ARHGAP35: variants seen among roughly 807,000 people sequenced by gnomAD.
The protein encoded by ARHGAP35 is rho GTPase-activating protein 35.
ARHGAP35 carries 15 observed loss-of-function variants against 111.1 expected under a neutral mutation model. The observed-to-expected ratio is 0.13, with a 90% CI of 0.09 to 0.21. The LOEUF (loss-of-function observed/expected upper bound fraction) is 0.21, where lower values mean the gene tolerates loss of function less well. Among genes scored for constraint, ARHGAP35 ranks in the 10% least tolerant of loss-of-function variants. The pLI, the probability that ARHGAP35 is intolerant of heterozygous loss-of-function variation, is 1.00. For missense variants in ARHGAP35, 1,262 were observed against 1,873.0 expected (o/e 0.67, Z 6.02); for synonymous variants, 643 against 710.3 (o/e 0.91, Z 1.51).
Position 47,001,226 on chromosome 19 carries a change from G to T in ARHGAP35, c.*538G>T, listed in dbSNP as rs1049580831. 2.3e-6 allele frequency: 3 copies of T among 1,281,132 alleles called. No individual in the cohort carries two copies. Among genetic ancestry groups the T allele is most frequent in the Non-Finnish European group, 3.0e-6 (3 of 985,466 alleles). The allele number at this position is 1,281,132 out of a possible 1,614,324, so 79.4% of individuals were successfully genotyped here. On this transcript the variant is annotated 3_prime_UTR_variant, in exon 7 of 7. Coordinates refer to ENST00000672722, the MANE Select transcript of ARHGAP35 (RefSeq NM_004491.5). This position sits in a 1 kb window ranked among gnomAD's most constrained non-coding sequence, Gnocchi z 5.4. ...TAGGCCACGGCTCTGCCACCACTAG[G>T]TACCTGCTGAGGGCGCTGGCTCTGC...
chr19:46,974,059 C>G (rs1649173009), intron 3 of ARHGAP35, among the ~76,000 whole-genome samples: 1 of 152,080 alleles, frequency 6.6e-6, no homozygotes. Context: ...AGCACAGTTA[C>G]AGCTCACCTC....
chr19:46,970,717 T>C (rs546919711), intron 3 of ARHGAP35, among the ~76,000 whole-genome samples: 2 of 152,296 alleles, frequency 1.3e-5, no homozygotes, highest in South Asian at 2.1e-4. Flanking sequence ...ATTTATAATC[T>C]AGTAAGGGTG....
intron 3 of ARHGAP35, among the ~76,000 whole-genome samples, chr19:46,981,925 C>T (rs2056622848): frequency 6.6e-6 from 1 of 152,148 alleles, no homozygotes; most frequent in Admixed American, 6.5e-5. Context: ...ATGGACATGG[C>T]TCACTGCAGC....
intron 1 of ARHGAP35, among the ~76,000 whole-genome samples, chr19:46,863,271 C>G (rs1183100451): frequency 6.6e-6 from 1 of 152,212 alleles, no homozygotes; most frequent in African/African-American, 2.4e-5. Context: ...TGCAGATTCT[C>G]TCTCTGCGCC....
chr19:46,911,294 A>G (rs994595997), intron 1 of ARHGAP35, among the ~76,000 whole-genome samples: 28 of 152,158 alleles, frequency 1.8e-4, no homozygotes, highest in Admixed American at 9.2e-4. Context: ...ATCCCAGGAA[A>G]TGGTCTATAC....
intron 3 of ARHGAP35, among the ~76,000 whole-genome samples, chr19:46,967,878 C>T (rs368781202): frequency 6.6e-6 from 1 of 151,364 alleles, no homozygotes; most frequent in East Asian, 1.9e-4. Context: ...GCCAGGGCTC[C>T]CTGCCGTGTC....
At chr19:46,928,685 A>T (rs2056253197) in intron 2 of ARHGAP35, among the ~76,000 whole-genome samples, 1 of 152,084 alleles carries the variant, frequency 6.6e-6, no homozygotes, top group Non-Finnish European at 1.5e-5. Flanking sequence ...TAATCCCAGC[A>T]CTTTGGGAGG....
At chr19:46,963,600 C>A (rs2056497014) in intron 3 of ARHGAP35, among the ~76,000 whole-genome samples, 1 of 152,192 alleles carries the variant, frequency 6.6e-6, no homozygotes, top group Non-Finnish European at 1.5e-5. Flanking sequence ...TTGTCTGTGT[C>A]ATCTGTTTAG....
At chr19:46,914,761 C>A (rs2056155119) in intron 1 of ARHGAP35, among the ~76,000 whole-genome samples, 1 of 152,098 alleles carries the variant, frequency 6.6e-6, no homozygotes, top group Non-Finnish European at 1.5e-5. Context: ...AAAATAGAGC[C>A]AATATCTTTA....
chr19:46,990,869 G>T (rs528725570), intron 5 of ARHGAP35, among the ~76,000 whole-genome samples: 1 of 152,232 alleles, frequency 6.6e-6, no homozygotes, highest in Non-Finnish European at 1.5e-5. Flanking sequence ...ATCCTTCCAG[G>T]GTCTGCACTT....
chr19:46,902,173 A>G (rs1477733937), intron 1 of ARHGAP35, among the ~76,000 whole-genome samples: 1 of 152,170 alleles, frequency 6.6e-6, no homozygotes, highest in Non-Finnish European at 1.5e-5. Flanking sequence ...TTTAAAGTTG[A>G]GTAGCCTGTG....
chr19:46,871,894 C>G (rs1227666761), intron 1 of ARHGAP35, among the ~76,000 whole-genome samples: 1 of 151,748 alleles, frequency 6.6e-6, no homozygotes. Context: ...GCAGGAGAAT[C>G]GCATGAACCC....
rs115497378 is a variant in ARHGAP35, at chr19:46,873,211, G to T, written c.-189+12002G>T. Among the ~76,000 whole-genome samples the T allele has an allele frequency of 9.9e-3, 1,507 of 152,092 alleles. 17 individuals are homozygous for T. Among genetic ancestry groups the T allele is most frequent in the African/African-American group, 0.025 (1,047 of 41,480 alleles). On this transcript the variant is annotated intron_variant, in intron 1 of 6. Transcript: ENST00000672722. Reference sequence around the variant, plus strand: ...ACTTTACACTTTCCAGAATGCTTTCGCCCAGTGTGATCTCAGCCCAGAGAT... The same window carrying T: ...ACTTTACACTTTCCAGAATGCTTTCTCCCAGTGTGATCTCAGCCCAGAGAT...
chr19:46,915,912 AG>A (rs2056159613), intron 1 of ARHGAP35, among the ~76,000 whole-genome samples: 1 of 150,136 alleles, frequency 6.7e-6, no homozygotes, highest in South Asian at 2.1e-4. Context: ...CATAGCCTTC[AG>A]GAAGGAATCC....
chr19:46,939,921 C>T (rs906343586), intron 3 of ARHGAP35, among the ~76,000 whole-genome samples: 14 of 151,600 alleles, frequency 9.2e-5, no homozygotes, highest in Non-Finnish European at 1.6e-4. Flanking sequence ...AGGACCTTAT[C>T]CTGGACCACA....
At chr19:46,979,599 A>G (rs1334368307) in intron 3 of ARHGAP35, among the ~76,000 whole-genome samples, 2 of 152,194 alleles carry the variant, frequency 1.3e-5, no homozygotes, top group African/African-American at 4.8e-5. Context: ...CTTCTGAAGG[A>G]TCAGCCAGAT....
chr19:46,874,538 C>G (rs555775368), intron 1 of ARHGAP35, among the ~76,000 whole-genome samples: 2 of 118,384 alleles, frequency 1.7e-5, no homozygotes, highest in East Asian at 2.5e-4. Context: ...GAGTCTTGCT[C>G]TGTTGCCCAG....
At chr19:46,965,311 C>G (rs903097391) in intron 3 of ARHGAP35, among the ~76,000 whole-genome samples, 5 of 151,426 alleles carry the variant, frequency 3.3e-5, no homozygotes, top group Non-Finnish European at 7.4e-5. Flanking sequence ...GAGACTTCAT[C>G]TCAAAAAAAA....
intron 1 of ARHGAP35, among the ~76,000 whole-genome samples, chr19:46,871,797 G>A (rs1214910295): frequency 6.6e-6 from 1 of 151,830 alleles, no homozygotes; most frequent in Non-Finnish European, 1.5e-5. Context: ...TGGCCAACAT[G>A]GTGAAACCCT....
Sources: gnomAD v4.1 joint callset for allele counts (sites outside exome capture counted in the v4.1 genomes callset) on GRCh38, gnomAD v4.1.1 for gene constraint, Gnocchi (gnomAD v3.1) non-coding constraint, MANE v1.5 for transcripts, NCBI Gene and HGNC (gene_info 2026-07-23, HGNC 2026-07-21) for gene names.